KLHL14: variants seen among roughly 807,000 people sequenced by gnomAD.
KLHL14 encodes kelch like family member 14, also known as kelch-like protein 14.
KLHL14 carries 22 observed loss-of-function variants against 64.3 expected under a neutral mutation model. The ratio of observed to expected loss-of-function variants is 0.34; its 90% CI spans 0.24 to 0.49. The LOEUF (loss-of-function observed/expected upper bound fraction) is 0.49, where lower values mean the gene tolerates loss of function less well. Ranked by LOEUF, KLHL14 falls within the 20% of genes least tolerant of loss-of-function variation. The probability of loss-of-function intolerance (pLI) is 0.99; values close to 1 mark genes in which losing one functional copy is unlikely to be tolerated. For synonymous variants in KLHL14, 322 were observed against 333.4 expected (o/e 0.97, Z 0.37); for missense variants, 661 against 789.0 (o/e 0.84, Z 1.94).
intron 2 of KLHL14, among the ~76,000 whole-genome samples, chr18:32,765,156 G>A (rs762151440): frequency 2.2e-4 from 33 of 152,074 alleles, no homozygotes; most frequent in Non-Finnish European, 4.1e-4. Context: ...CCATACCTTG[G>A]GCTGTTATGA....
At chr18:32,718,502 T>A (rs1419376007) in intron 3 of KLHL14, among the ~76,000 whole-genome samples, 1 of 152,138 alleles carries the variant, frequency 6.6e-6, no homozygotes, top group Non-Finnish European at 1.5e-5. Context: ...AATGTGTAGG[T>A]GACATACTGA....
At chr18:32,684,731 G>T (rs1051303463) in intron 5 of KLHL14, among the ~76,000 whole-genome samples, 3 of 152,218 alleles carry the variant, frequency 2.0e-5, no homozygotes, top group African/African-American at 7.2e-5. Flanking sequence ...TCTACACAAT[G>T]TAAAATTAAC....
intron 2 of KLHL14, among the ~76,000 whole-genome samples, chr18:32,742,544 A>G (rs958478419): frequency 6.6e-6 from 1 of 152,216 alleles, no homozygotes; most frequent in Non-Finnish European, 1.5e-5. Flanking sequence ...TGGTACAATT[A>G]GTAGCACAGG....
intron 3 of KLHL14, among the ~76,000 whole-genome samples, chr18:32,698,136 G>A (rs546382109): frequency 6.6e-6 from 1 of 152,224 alleles, no homozygotes; most frequent in South Asian, 2.1e-4. Flanking sequence ...CCAAAGAAAA[G>A]CAAAATAAAT....
At chr18:32,697,299 G>C (rs2049941580) in intron 3 of KLHL14, among the ~76,000 whole-genome samples, 1 of 152,138 alleles carries the variant, frequency 6.6e-6, no homozygotes, top group Admixed American at 6.5e-5. Context: ...TCATAATGCT[G>C]GTTCCAAAAT....
chr18:32,728,083 G>A (rs567850287), intron 3 of KLHL14, among the ~76,000 whole-genome samples: 6 of 152,244 alleles, frequency 3.9e-5, no homozygotes, highest in Non-Finnish European at 7.4e-5. Flanking sequence ...ATAACAAAGA[G>A]GATGGTAGAA....
chr18:32,731,740 T>C (rs1048898209), intron 3 of KLHL14, among the ~76,000 whole-genome samples: 10 of 151,806 alleles, frequency 6.6e-5, no homozygotes, highest in African/African-American at 2.4e-4. Context: ...AAATAATTTA[T>C]ATATATACAT....
At chr18:32,764,042 G>C (rs754567675) in intron 2 of KLHL14, among the ~76,000 whole-genome samples, 44 of 152,208 alleles carry the variant, frequency 2.9e-4, no homozygotes, top group Non-Finnish European at 5.3e-4. Context: ...GATCAAAGCA[G>C]CTGGAGATAC....
intron 2 of KLHL14, among the ~76,000 whole-genome samples, chr18:32,753,388 C>A (rs2050266313): frequency 6.6e-6 from 1 of 151,702 alleles, no homozygotes; most frequent in South Asian, 2.1e-4. Context: ...CATCTTCCCA[C>A]CCCTTCACTT....
At chr18:32,718,276 C>T (rs184712853) in intron 3 of KLHL14, among the ~76,000 whole-genome samples, 84 of 152,318 alleles carry the variant, frequency 5.5e-4, no homozygotes, top group Middle Eastern at 3.4e-3. Context: ...TCTCAACCTA[C>T]CTTTCAGGAG....
chr18:32,724,034 GA>G (rs986344974), intron 3 of KLHL14, among the ~76,000 whole-genome samples: 8 of 151,832 alleles, frequency 5.3e-5, no homozygotes, highest in South Asian at 4.2e-4. Context: ...AATCCAGTTG[GA>G]AAAAAAATAT....
At position 32,673,203 on chromosome 18, in the gene KLHL14, C is replaced by T. The variant is rs1347170783; in HGVS notation, c.*1454G>A. On this transcript the variant is annotated 3_prime_UTR_variant, in exon 9 of 9. Transcript: ENST00000359358. ...AAACGGCATCGGATTCCAGTATACC[C>T]ATTTATCTTGACGTGCTCTGCCATG... 1 of 152,550 alleles carries T rather than the reference C, an allele frequency of 6.6e-6. No homozygotes were observed. Among genetic ancestry groups the T allele is most frequent in the Non-Finnish European group, 1.5e-5 (1 of 68,034 alleles). The allele number at this position is 152,550 out of a possible 1,614,324, so 9.4% of individuals were successfully genotyped here. A position where few individuals can be genotyped will look rare whatever the true frequency, so the allele number is the denominator to read the frequency against.
At chr18:32,748,343 G>T (rs974420059) in intron 2 of KLHL14, among the ~76,000 whole-genome samples, 3 of 146,946 alleles carry the variant, frequency 2.0e-5, no homozygotes, top group African/African-American at 7.8e-5. Context: ...TTTGTATTTT[G>T]TATTTTTGTA....
At chr18:32,714,132 T>C (rs1455504028) in intron 3 of KLHL14, among the ~76,000 whole-genome samples, 2 of 152,152 alleles carry the variant, frequency 1.3e-5, no homozygotes, top group African/African-American at 4.8e-5. Flanking sequence ...TTTACTAAAA[T>C]TACAAATTGC....
chr18:32,730,491 T>G (rs189017531), intron 3 of KLHL14, among the ~76,000 whole-genome samples: 5 of 152,364 alleles, frequency 3.3e-5, no homozygotes, highest in Admixed American at 3.3e-4. Flanking sequence ...TCTAAGATAT[T>G]TTTAATGCTC....
In KLHL14 at chr18:32,770,072, C is replaced by G; in HGVS notation, c.520G>C (p.Val174Leu). ...LHIPQVTKLC[V>L]QFLNDQISVQ... ...GAGATCTGGTCGTTGAGGAACTGCACGCAGAGCTTGGTGACCTGGGGGATG... is the reference window on the plus strand; with the variant it reads ...GAGATCTGGTCGTTGAGGAACTGCAGGCAGAGCTTGGTGACCTGGGGGATG... The change falls in exon 2 of 9, where the codon GTG becomes CTG. Residue 174 changes from valine (V) to leucine (L), a missense_variant. Val to Leu is a conservative substitution (Grantham distance 32). Coordinates refer to ENST00000359358, the MANE Select transcript of KLHL14 (RefSeq NM_020805.3). This position sits in a 1 kb window ranked among gnomAD's most constrained non-coding sequence, Gnocchi z 6.7. The G allele has an allele frequency of 6.2e-7, 1 of 1,614,108 alleles. No homozygotes were observed. Among genetic ancestry groups the G allele is most frequent in the Non-Finnish European group, 8.5e-7 (1 of 1,180,008 alleles).
At chr18:32,755,511 A>G (rs2050277255) in intron 2 of KLHL14, among the ~76,000 whole-genome samples, 1 of 152,082 alleles carries the variant, frequency 6.6e-6, no homozygotes, top group Admixed American at 6.5e-5. Flanking sequence ...CCTTTTTCTC[A>G]TATCAATTAA....
intron 2 of KLHL14, among the ~76,000 whole-genome samples, chr18:32,763,184 A>C (rs1033517280): frequency 2.0e-5 from 3 of 149,610 alleles, no homozygotes; most frequent in Non-Finnish European, 4.4e-5. Flanking sequence ...GCATTGGCTC[A>C]TTCTATTTTT....
rs1169112952 is a variant in KLHL14 at position 32,674,551 on chromosome 18, G to T, written c.*106C>A. 1 of 675,600 alleles carries T rather than the reference G, an allele frequency of 1.5e-6. No homozygotes were observed. 41.9% of individuals were successfully genotyped at this position (675,600 alleles called of 1,614,324 possible). A position where few individuals can be genotyped will look rare whatever the true frequency, so the allele number is the denominator to read the frequency against. On this transcript the variant is annotated 3_prime_UTR_variant, in exon 9 of 9. Transcript: ENST00000359358. ...ATAAATCATCAGAAACCAAGGGTGG[G>T]TTTTGGCAGTTGTACCATTAGAATG...
Sources: gnomAD v4.1 joint callset for allele counts (sites outside exome capture counted in the v4.1 genomes callset) on GRCh38, gnomAD v4.1.1 for gene constraint, Gnocchi (gnomAD v3.1) non-coding constraint, MANE v1.5 for transcripts, NCBI Gene and HGNC (gene_info 2026-07-23, HGNC 2026-07-21) for gene names.